GPHN: variants seen among roughly 807,000 people sequenced by gnomAD.
GPHN encodes gephyrin.
Under a neutral mutation model 95.5 loss-of-function variants are expected in GPHN, and 17 were observed. That is an observed-to-expected ratio of 0.18 (90% CI 0.12 to 0.27). The LOEUF is 0.27. GPHN is among the 10% of genes least tolerant of loss of function. GPHN has a pLI of 1.00. For synonymous variants in GPHN, 320 were observed against 322.5 expected (o/e 0.99, Z 0.08); for missense variants, 660 against 978.1 (o/e 0.67, Z 4.34).
At chr14:66,833,353 G>C (rs914090333) in intron 4 of GPHN, among the ~76,000 whole-genome samples, 3 of 152,070 alleles carry the variant, frequency 2.0e-5, no homozygotes, top group African/African-American at 7.2e-5. Flanking sequence ...AAAAGCATGA[G>C]GGTAACTGCC....
rs566489264 is a variant in GPHN, at chr14:66,905,723, G to A, written c.390-10280G>A. Among the ~76,000 whole-genome samples, 176 of 152,046 alleles carry A rather than the reference G, an allele frequency of 1.2e-3. No individual in the cohort carries two copies. In the Middle Eastern group the frequency reaches 0.014, roughly 12 times the overall value. On this transcript the variant is annotated intron_variant, in intron 5 of 22. Coordinates refer to ENST00000478722, the MANE Select transcript of GPHN (RefSeq NM_020806.5). ...AAGGTTGTTTTTCAGCCCTTGCCCC[G>A]CTCCCTCTCTCATACCTTGGTAGTC...
At chr14:67,702,850 G>T in the GPHN span, among the ~76,000 whole-genome samples, 1 of 152,150 alleles carries the variant, frequency 6.6e-6, no homozygotes, top group South Asian at 2.1e-4. Flanking sequence ...GCCTCACTCT[G>T]TTGCCCAGGG....
intron 3 of GPHN, among the ~76,000 whole-genome samples, chr14:66,798,599 A>G (rs2060237804): frequency 6.6e-6 from 1 of 151,884 alleles, no homozygotes; most frequent in Non-Finnish European, 1.5e-5. Context: ...ATTGGGATAC[A>G]GTTGCTAATA....
At chr14:67,247,450 C>G in the GPHN span, among the ~76,000 whole-genome samples, 1 of 152,074 alleles carries the variant, frequency 6.6e-6, no homozygotes, top group Non-Finnish European at 1.5e-5. Context: ...AGTAGACAGT[C>G]GTGCTCAAAA....
chr14:66,598,058 A>C (rs930646749), intron 1 of GPHN, among the ~76,000 whole-genome samples: 1 of 152,204 alleles, frequency 6.6e-6, no homozygotes, highest in Non-Finnish European at 1.5e-5. Flanking sequence ...GATCTTACTT[A>C]TTATAAGTGT....
chr14:66,898,067 C>A (rs2153545450), intron 5 of GPHN, among the ~76,000 whole-genome samples: 1 of 151,902 alleles, frequency 6.6e-6, no homozygotes, highest in Non-Finnish European at 1.5e-5. Flanking sequence ...GTTTTTTTAT[C>A]CCTGATTTTT....
At chr14:66,984,066 T>A (rs2153599821) in intron 9 of GPHN, among the ~76,000 whole-genome samples, 1 of 152,262 alleles carries the variant, frequency 6.6e-6, no homozygotes, top group East Asian at 1.9e-4. Flanking sequence ...AAAGACAACA[T>A]AGAAAATGGT....
the GPHN span, chr14:67,615,062 A>T: frequency 6.6e-6 from 1 of 152,170 alleles, no homozygotes; most frequent in South Asian, 2.1e-4. Context: ...TAAGGGATAG[A>T]GTGTGTGTTG....
At chr14:66,547,433 A>C (rs185461133) in intron 1 of GPHN, among the ~76,000 whole-genome samples, 134 of 152,344 alleles carry the variant, frequency 8.8e-4, no homozygotes, top group Non-Finnish European at 1.6e-3. Flanking sequence ...CAGAATGCTG[A>C]GCAAAATCTG....
the GPHN span, among the ~76,000 whole-genome samples, chr14:67,427,585 C>T: frequency 6.6e-6 from 1 of 152,232 alleles, no homozygotes; most frequent in African/African-American, 2.4e-5. Flanking sequence ...ACGAGAGCTC[C>T]GTCTTAAGAC....
the GPHN span, among the ~76,000 whole-genome samples, chr14:67,624,359 T>C: frequency 6.6e-6 from 1 of 152,210 alleles, no homozygotes; most frequent in Admixed American, 6.5e-5. Flanking sequence ...ACTGTATTAG[T>C]CTGTTCTTGT....
the GPHN span, chr14:67,533,413 C>G: frequency 1.3e-4 from 19 of 151,806 alleles, 1 homozygote; most frequent in African/African-American, 3.6e-4. Flanking sequence ...GCGACCCGCG[C>G]TCCCGCCGCT....
At chr14:67,284,027 G>A in the GPHN span, among the ~76,000 whole-genome samples, 1 of 152,078 alleles carries the variant, frequency 6.6e-6, no homozygotes, top group African/African-American at 2.4e-5. Context: ...CTTTGGGCAT[G>A]TTACTCAATT....
rs568811411 is a variant in GPHN, at chr14:66,510,804, G to A, written c.64+2213G>A. 7.2e-5 allele frequency among the ~76,000 whole-genome samples: 11 copies of A among 152,258 alleles called. No individual in the cohort carries two copies. In the South Asian group the frequency reaches 2.1e-3, roughly 29 times the overall value. On this transcript the variant is annotated intron_variant, in intron 1 of 22. Coordinates refer to ENST00000478722, the MANE Select transcript of GPHN (RefSeq NM_020806.5). Reference sequence around the variant, plus strand: ...AATGTAAAGGCCTTGAAAAGCTGAAGTGGAATGGGTAGGTGGCATAGGTAA... The same window carrying A: ...AATGTAAAGGCCTTGAAAAGCTGAAATGGAATGGGTAGGTGGCATAGGTAA...
chr14:67,349,108 C>T, the GPHN span: 1 of 1,613,204 alleles, frequency 6.2e-7, no homozygotes, highest in African/African-American at 1.3e-5. Flanking sequence ...TGTAGTGCTG[C>T]AGAAAAAGAG....
the GPHN span, among the ~76,000 whole-genome samples, chr14:67,409,069 T>TA: frequency 1.2e-4 from 17 of 138,900 alleles, no homozygotes; most frequent in Middle Eastern, 4.1e-3. Context: ...AAAAAAGAAA[T>TA]AAAAAAAAAG....
intron 3 of GPHN, among the ~76,000 whole-genome samples, chr14:66,787,889 A>G (rs189243550): frequency 1.4e-5 from 2 of 147,222 alleles, no homozygotes; most frequent in East Asian, 3.9e-4. Context: ...CTGTCAGAAG[A>G]AAAAAAAAAG....
the GPHN span, among the ~76,000 whole-genome samples, chr14:67,457,604 T>C: frequency 6.6e-6 from 1 of 152,192 alleles, no homozygotes; most frequent in East Asian, 1.9e-4. Context: ...AGACTTTGTC[T>C]GTAAAACCAA....
intron 9 of GPHN, among the ~76,000 whole-genome samples, chr14:66,988,415 G>A (rs558511266): frequency 1.3e-5 from 2 of 151,952 alleles, no homozygotes; most frequent in South Asian, 4.2e-4. Flanking sequence ...TGGATGTGAG[G>A]GGTATATCCT....
Sources: gnomAD v4.1 joint callset for allele counts (sites outside exome capture counted in the v4.1 genomes callset) on GRCh38, gnomAD v4.1.1 for gene constraint, MANE v1.5 for transcripts, NCBI Gene and HGNC (gene_info 2026-07-23, HGNC 2026-07-21) for gene names.